GPR162: variants seen among roughly 807,000 people sequenced by gnomAD.
The protein encoded by GPR162 is probable G protein-coupled receptor 162.
GPR162 carries 26 observed loss-of-function variants against 44.9 expected under a neutral mutation model. That is an observed-to-expected ratio of 0.58 (90% CI 0.42 to 0.80). GPR162 has a LOEUF of 0.80. Ranked by LOEUF, GPR162 falls within the 30% of genes least tolerant of loss-of-function variation. The probability of loss-of-function intolerance (pLI) is 0.00; values close to 1 mark genes in which losing one functional copy is unlikely to be tolerated. For synonymous variants in GPR162, 363 were observed against 335.2 expected (o/e 1.08, Z -0.91); for missense variants, 704 against 802.3 (o/e 0.88, Z 1.48).
At position 6,826,739 on chromosome 12, in the gene GPR162, A is replaced by T; in HGVS notation, c.1302A>T (p.Ser434=). 1 of 1,590,580 alleles carries T rather than the reference A, an allele frequency of 6.3e-7. No individual in the cohort carries two copies. The change falls in exon 5 of 5, where the codon TCA becomes TCT. Residue 434 remains serine (S), a synonymous_variant. Coordinates refer to ENST00000311268, the MANE Select transcript of GPR162 (RefSeq NM_019858.2). ...REPGSFLHKW[S]SSDDIRVLPA... ...CAGGCTCCTTCCTGCACAAGTGGTC[A>T]TCCTCTGATGACATCCGGGTCCTCC...
intron 3 of GPR162, 96 bp from the exon 4 acceptor site, chr12:6,826,100 G>T (rs1046027517): frequency 1.3e-5 from 12 of 900,726 alleles, no homozygotes; most frequent in Non-Finnish European, 1.6e-5. Flanking sequence ...ATGCTAATGG[G>T]AACTAAAGGG....
At position 6,823,490 on chromosome 12, in the gene GPR162, A is replaced by AC. The variant is rs1555119455; in HGVS notation, c.-404dup. The AC allele has an allele frequency of 2.2e-6, 1 of 459,466 alleles. No homozygotes were observed. Among genetic ancestry groups the AC allele is most frequent in the Non-Finnish European group, 3.9e-6 (1 of 258,690 alleles). 28.5% of individuals were successfully genotyped at this position (459,466 alleles called of 1,614,324 possible). A position where few individuals can be genotyped will look rare whatever the true frequency, so the allele number is the denominator to read the frequency against. On this transcript the variant is annotated 5_prime_UTR_variant, in exon 2 of 5. The change abolishes the stop of an existing upstream ORF in the 5' untranslated region. Transcript: ENST00000311268. Reference sequence around the variant, plus strand: ...CAGCCTGTCCAGGGGGCTGAGCCCCACCCCCAAATCCCTGGGGCATCCAGA... The same window carrying AC: ...CAGCCTGTCCAGGGGGCTGAGCCCCACCCCCCAAATCCCTGGGGCATCCAGA...
Position 6,823,497 on chromosome 12 carries a change from A to G in GPR162, c.-402A>G. ...TCCAGGGGGCTGAGCCCCACCCCCA[A>G]ATCCCTGGGGCATCCAGAAGATTCC... On this transcript the variant is annotated 5_prime_UTR_variant, in exon 2 of 5. Transcript: ENST00000311268. 2.1e-6 allele frequency: 1 copy of G among 467,946 alleles called. No homozygotes were observed. Among genetic ancestry groups the G allele is most frequent in the Non-Finnish European group, 3.8e-6 (1 of 263,630 alleles). The allele number at this position is 467,946 out of a possible 1,614,324, so 29.0% of individuals were successfully genotyped here. A position where few individuals can be genotyped will look rare whatever the true frequency, so the allele number is the denominator to read the frequency against.
Position 6,822,893 on chromosome 12 carries a change from G to A in GPR162, c.-431-575G>A, listed in dbSNP as rs1012780453. On this transcript the variant is annotated intron_variant, in intron 1 of 4. Coordinates refer to ENST00000311268, the MANE Select transcript of GPR162 (RefSeq NM_019858.2). This position sits in a 1 kb window ranked among gnomAD's most constrained non-coding sequence, Gnocchi z 4.2. The stretch of plus-strand genomic sequence containing the variant: ...ATTTCTGGATGCTTCTGATGTCAGC[G>A]GTTTCCCCGCCTTCAGGTTCCCTAG... 4.6e-5 allele frequency among the ~76,000 whole-genome samples: 7 copies of A among 152,142 alleles called. No individual in the cohort carries two copies. The highest frequency in any genetic ancestry group is 1.4e-4 in the African/African-American group (6 of 41,424).
intron 3 of GPR162, 138 bp from the exon 4 acceptor site, chr12:6,826,058 C>A: frequency 3.0e-6 from 2 of 671,148 alleles, no homozygotes; most frequent in East Asian, 2.6e-5. Context: ...GCAGCAAATG[C>A]TAGCCACTCT....
rs1555120216 is a variant in GPR162, at chr12:6,826,779, G to A, written c.1342G>A (p.Ala448Thr). 13 of 1,609,052 alleles carry A rather than the reference G, an allele frequency of 8.1e-6. No homozygotes were observed. The highest frequency in any genetic ancestry group is 1.1e-5 in the South Asian group (1 of 90,388). The change falls in exon 5 of 5, where the codon GCC (alanine) becomes ACC (threonine). Residue 448 changes from alanine (A) to threonine (T), a missense_variant. This residue lies in a region of GPR162 where 404 missense variants were observed against 314.1 expected (regional missense o/e 1.29). Transcript: ENST00000311268. Reference protein sequence around the residue: ...DIRVLPAQSRALGGPPEYLGQ... With the variant: ...DIRVLPAQSRTLGGPPEYLGQ... ...CCGGGTCCTCCCAGCCCAGAGCCGGGCCCTCGGGGGTCCTCCTGAGTACCT... is the reference window on the plus strand; with the variant it reads ...CCGGGTCCTCCCAGCCCAGAGCCGGACCCTCGGGGGTCCTCCTGAGTACCT...
rs1026944678 is a variant in GPR162 at position 6,822,901 on chromosome 12, C to T, written c.-431-567C>T. On this transcript the variant is annotated intron_variant, in intron 1 of 4. Coordinates refer to ENST00000311268, the MANE Select transcript of GPR162 (RefSeq NM_019858.2). The surrounding 1 kb of genome is among the most constrained non-coding windows in gnomAD (Gnocchi z 4.2). ...ATGCTTCTGATGTCAGCGGTTTCCCCGCCTTCAGGTTCCCTAGCACCCCCT... is the reference window on the plus strand; with the variant it reads ...ATGCTTCTGATGTCAGCGGTTTCCCTGCCTTCAGGTTCCCTAGCACCCCCT... Among the ~76,000 whole-genome samples, 1 of 152,234 alleles carries T rather than the reference C, an allele frequency of 6.6e-6. No individual in the cohort carries two copies.
chr12:6,824,901 G>C (rs1555119766), intron 2 of GPR162, 136 bp downstream of exon 2: 2 of 757,596 alleles, frequency 2.6e-6, no homozygotes, highest in African/African-American at 1.7e-5. Flanking sequence ...CCTCTCCTCT[G>C]TCCATCCCCC....
chr12:6,826,867 C>T lies in GPR162; in HGVS notation c.1430C>T (p.Ala477Val), dbSNP rs200837170. ...DEEEAEGGGL[A>V]SLRQFLESGV... ...GAAGAGGCTGAAGGTGGGGGGCTGG[C>T]CAGCCTTCGCCAATTCTTGGAGAGT... is the stretch of plus-strand genomic sequence containing the variant. The change falls in exon 5 of 5, where the codon GCC becomes GTC. Residue 477 changes from alanine (A) to valine (V), a missense_variant. By Grantham distance (64) the Ala-to-Val change is moderately conservative. This residue lies in a region of GPR162 where 404 missense variants were observed against 314.1 expected (regional missense o/e 1.29). Coordinates refer to ENST00000311268, the MANE Select transcript of GPR162 (RefSeq NM_019858.2). The T allele has an allele frequency of 4.6e-5, 74 of 1,612,800 alleles. 1 individual carries two copies. Among genetic ancestry groups the T allele is most frequent in the South Asian group, 2.6e-4 (24 of 90,992 alleles).
chr12:6,823,360 A>C, intron 1 of GPR162, 108 bp from the exon 2 acceptor site: 1 of 208,648 alleles, frequency 4.8e-6, no homozygotes, highest in Non-Finnish European at 9.5e-6. Context: ...GGCCTTAGTA[A>C]TCAGTCATGC....
rs1943355868 is a variant in GPR162 at position 6,826,346 on chromosome 12, A to G, written c.1208A>G (p.Tyr403Cys). The G allele has an allele frequency of 6.2e-7, 1 of 1,611,796 alleles. No homozygotes were observed. The highest frequency in any genetic ancestry group is 1.3e-5 in the African/African-American group (1 of 74,774). Reference sequence around the variant, plus strand: ...TTCCCTCCTCTTGAGAGAGTCCACTACTTACAGGTATGGAACTGGGGGATA... The same window carrying G: ...TTCCCTCCTCTTGAGAGAGTCCACTGCTTACAGGTATGGAACTGGGGGATA... ...MLFPPLERVH[Y>C]LQVPLSRRLS... The change falls in exon 4 of 5, where the codon TAC becomes TGC. Residue 403 changes from tyrosine to cysteine, a missense_variant. By Grantham distance (194) the Tyr-to-Cys change is radical. This residue lies in a region of GPR162 where 404 missense variants were observed against 314.1 expected (regional missense o/e 1.29). Transcript: ENST00000311268.
rs1419289083 is a variant in GPR162, at chr12:6,826,835, G to T, written c.1398G>T (p.Glu466Asp). 1 of 1,609,204 alleles carries T rather than the reference G, an allele frequency of 6.2e-7. No individual in the cohort carries two copies. The highest frequency in any genetic ancestry group is 8.5e-7 in the Non-Finnish European group (1 of 1,176,910). The change falls in exon 5 of 5, where the codon GAG becomes GAT. Residue 466 changes from glutamate to aspartate, a missense_variant. Physicochemically the swap from Glu to Asp is conservative, Grantham distance 45 (BLOSUM62 2). Transcript: ENST00000311268. ...AAAGACACAGGTTGGAGGACGAGGA[G>T]GACGAGGAAGAGGCTGAAGGTGGGG... The part of the protein sequence containing the change: ...LGQRHRLEDE[E>D]DEEEAEGGGL...
At chr12:6,826,099 G>C (rs1591574706) in intron 3 of GPR162, 97 bp from the exon 4 acceptor site, 1 of 882,142 alleles carries the variant, frequency 1.1e-6, no homozygotes, top group East Asian at 2.4e-5. Context: ...CATGCTAATG[G>C]GAACTAAAGG....
chr12:6,826,392 G>C, intron 4 of GPR162, 39 bp downstream of exon 4: 1 of 1,559,426 alleles, frequency 6.4e-7, no homozygotes, highest in Non-Finnish European at 8.7e-7. Flanking sequence ...CCTTGGTGCC[G>C]CTCATCACTT....
At position 6,827,162 on chromosome 12, in the gene GPR162, C is replaced by T. The variant is rs1424313404; in HGVS notation, c.1725C>T (p.Ser575=). The T allele has an allele frequency of 6.2e-7, 1 of 1,612,500 alleles. No individual in the cohort carries two copies. Among genetic ancestry groups the T allele is most frequent in the East Asian group, 2.2e-5 (1 of 44,874 alleles). The change falls in exon 5 of 5, where the codon TCC becomes TCT. Residue 575 remains serine, a synonymous_variant. Coordinates refer to ENST00000311268, the MANE Select transcript of GPR162 (RefSeq NM_019858.2). ...AAAGTGCAAGGGCTTGGGGAGGATC[C>T]TGGGGCCCAGGCAACCCCATCTTTC... ...GEESARAWGG[S]WGPGNPIFPQ... is the part of the protein sequence containing the mutation.
rs782721569 is a variant in GPR162 at position 6,825,556 on chromosome 12, A to G, written c.940A>G (p.Met314Val). The G allele has an allele frequency of 2.5e-6, 4 of 1,611,336 alleles. No individual in the cohort carries two copies. The highest frequency in any genetic ancestry group is 3.4e-6 in the Non-Finnish European group (4 of 1,178,902). Residue 314 changes from methionine (M) to valine (V), a missense_variant, in exon 3 of 5, where the codon ATG (methionine) becomes GTG (valine). By Grantham distance (21) the Met-to-Val change is conservative. Around this residue, in one of 6 missense-constraint regions of GPR162, gnomAD observed 92 missense variants for 156.5 expected, o/e 0.59. Transcript: ENST00000311268. ...WMVLAVLWCS[M>V]AQTLLLPSFI... The stretch of plus-strand genomic sequence containing the variant: ...GGTGCTGGCTGTGCTGTGGTGCTCC[A>G]TGGCACAGACGCTGCTGCTGCCCTC...
At position 6,824,015 on chromosome 12, in the gene GPR162, G is replaced by A. The variant is rs200785572; in HGVS notation, c.117G>A (p.Ser39=). 14 of 1,609,876 alleles carry A rather than the reference G, an allele frequency of 8.7e-6. No individual in the cohort carries two copies. Among genetic ancestry groups the A allele is most frequent in the Admixed American group, 6.7e-5 (4 of 59,966 alleles). The change falls in exon 2 of 5, where the codon TCG becomes TCA. Residue 39 remains serine (S), a synonymous_variant. Transcript: ENST00000311268. ...ATGCCTGGATCATCCTCAGCATCTCGGCCAAGCAGCAGAAGCACAAGCCAC... is the reference window on the plus strand; with the variant it reads ...ATGCCTGGATCATCCTCAGCATCTCAGCCAAGCAGCAGAAGCACAAGCCAC... The part of the protein sequence containing the change: ...LANAWIILSI[S]AKQQKHKPLE...
chr12:6,826,862 G>C lies in GPR162; in HGVS notation c.1425G>C (p.Gly475=), dbSNP rs181209093. ...EEDEEEAEGG[G]LASLRQFLES... is the part of the protein sequence containing the mutation. ...ACGAGGAAGAGGCTGAAGGTGGGGG[G>C]CTGGCCAGCCTTCGCCAATTCTTGG... Residue 475 remains glycine, a synonymous_variant, in exon 5 of 5, where the codon GGG becomes GGC. Transcript: ENST00000311268. 92 of 1,612,766 alleles carry C rather than the reference G, an allele frequency of 5.7e-5. No individual in the cohort carries two copies. The highest frequency in any genetic ancestry group is 7.5e-5 in the Non-Finnish European group (89 of 1,179,402).
intron 3 of GPR162, among the ~76,000 whole-genome samples, 177 bp downstream of exon 3, chr12:6,825,850 C>A (rs936417699): frequency 6.6e-6 from 1 of 152,170 alleles, no homozygotes; most frequent in Non-Finnish European, 1.5e-5. Flanking sequence ...CTGCTTCCCG[C>A]AGCACTCAGG....
Sources: gnomAD v4.1 joint callset for allele counts (sites outside exome capture counted in the v4.1 genomes callset) on GRCh38, gnomAD v4.1.1 for gene constraint, gnomAD v4.1.1 regional missense constraint, Gnocchi (gnomAD v3.1) non-coding constraint, MANE v1.5 for transcripts, NCBI Gene and HGNC (gene_info 2026-07-23, HGNC 2026-07-21) for gene names.